Variants in RPS6KC1 observed in about 807,000 individuals in gnomAD.
RPS6KC1 encodes the protein inactive ribosomal protein S6 kinase delta-1.
In RPS6KC1, 54 loss-of-function variants were observed where a neutral mutation model predicts 103.8. The observed-to-expected ratio is 0.52, with a 90% CI of 0.42 to 0.65. RPS6KC1 has a LOEUF of 0.65. RPS6KC1 is among the 30% of genes least tolerant of loss of function. RPS6KC1 has a pLI of 0.00. For synonymous variants in RPS6KC1, 439 were observed against 438.7 expected, an observed-to-expected ratio of 1.00 and a Z score of -0.01; for missense variants, 1,151 against 1,253.8, an observed-to-expected ratio of 0.92 and a Z score of 1.24.
chr1:213,241,901 G>A lies in RPS6KC1; in HGVS notation c.2425G>A (p.Val809Ile), dbSNP rs1177225810. 6.2e-7 allele frequency: 1 copy of A among 1,613,998 alleles called. No individual in the cohort carries two copies. Among genetic ancestry groups the A allele is most frequent in the East Asian group, 2.2e-5 (1 of 44,878 alleles). Residue 809 changes from valine to isoleucine, a missense_variant, in exon 11 of 15, where the codon GTA becomes ATA. By Grantham distance (29) the Val-to-Ile change is conservative (BLOSUM62 3). Transcript: ENST00000366960. The part of the protein sequence containing the change: ...FQGLGVVESA[V>I]TANNTEESLF... ...AGGACTTGGAGTGGTTGAGTCAGCA[G>A]TAACTGCAAACAACACAGAAGAAAG... is the stretch of plus-strand genomic sequence containing the variant.
At chr1:213,437,777 AT>A in the RPS6KC1 span, among the ~76,000 whole-genome samples, 5 of 150,778 alleles carry the variant, frequency 3.3e-5, no homozygotes, top group East Asian at 7.7e-4. Context: ...ATTCGCTGGG[AT>A]TTTTTTAGCT....
chr1:213,259,283 G>A (rs970912226), intron 12 of RPS6KC1, among the ~76,000 whole-genome samples: 1 of 152,206 alleles, frequency 6.6e-6, no homozygotes, highest in African/African-American at 2.4e-5. Context: ...TCACTGGCCG[G>A]GTGCGGTGGC....
intron 6 of RPS6KC1, among the ~76,000 whole-genome samples, chr1:213,163,673 T>C (rs1272677071): frequency 6.6e-6 from 1 of 152,088 alleles, no homozygotes; most frequent in Non-Finnish European, 1.5e-5. Context: ...AAAATGCCTC[T>C]TGATTTTTTT....
At chr1:213,165,627 G>A (rs140561930) in intron 6 of RPS6KC1, among the ~76,000 whole-genome samples, 3,303 of 152,240 alleles carry the variant, frequency 0.022, 115 homozygotes, top group African/African-American at 0.075. Context: ...GTTTCACCAT[G>A]TTAGCCAGGA....
At chr1:213,276,493 C>T (rs1326321696), downstream of RPS6KC1, among the ~76,000 whole-genome samples, 1 of 152,178 alleles carries the variant, frequency 6.6e-6, no homozygotes, top group Non-Finnish European at 1.5e-5. Context: ...AATCAAATAA[C>T]ACTCTCCTGG....
At chr1:213,539,348 G>A in the RPS6KC1 span, among the ~76,000 whole-genome samples, 282 of 152,254 alleles carry the variant, frequency 1.9e-3, 10 homozygotes, top group South Asian at 0.055. Context: ...GAAGCTCCCC[G>A]TCAATTAGGG....
chr1:213,854,556 CTTTCTT>C, the RPS6KC1 span, among the ~76,000 whole-genome samples: 206 of 107,350 alleles, frequency 1.9e-3, 1 homozygote, highest in African/African-American at 8.9e-3. Flanking sequence ...TTCTTTCTTT[CTTTCTT>C]TCTCTCTCTC....
At chr1:213,661,389 C>T in the RPS6KC1 span, among the ~76,000 whole-genome samples, 8 of 152,126 alleles carry the variant, frequency 5.3e-5, no homozygotes, top group African/African-American at 9.7e-5. Flanking sequence ...ACGGGCTGGG[C>T]GAGCCTCCTT....
At chr1:213,397,533 A>T in the RPS6KC1 span, among the ~76,000 whole-genome samples, 3 of 150,214 alleles carry the variant, frequency 2.0e-5, no homozygotes, top group Non-Finnish European at 4.4e-5. Context: ...TCCTGAAAGG[A>T]TGGGGAATCT....
At chr1:213,257,723 G>T (rs1342394805) in intron 12 of RPS6KC1, among the ~76,000 whole-genome samples, 1 of 150,510 alleles carries the variant, frequency 6.6e-6, no homozygotes, top group Non-Finnish European at 1.5e-5. Context: ...AAGCTGGTTG[G>T]TGGCACATTC....
the RPS6KC1 span, among the ~76,000 whole-genome samples, chr1:213,776,854 G>C: frequency 6.6e-6 from 1 of 152,120 alleles, no homozygotes; most frequent in African/African-American, 2.4e-5. Flanking sequence ...GCTAGATCTG[G>C]ATAACTTGCT....
chr1:213,176,409 T>C lies in RPS6KC1; in HGVS notation c.961T>C (p.Ser321Pro). ...TGATATCTTCCATTAGCCTCCAGGA[T>C]CACTAAGTTCAAGGCCCCTTTGGAA... is the stretch of plus-strand genomic sequence containing the variant. ...QLDDVSQPPG[S>P]LSSRPLWNLR... Residue 321 changes from serine to proline, a missense_variant, in exon 8 of 15, where the codon TCA (serine) becomes CCA (proline). Ser to Pro is a moderately conservative substitution (Grantham distance 74). Around this residue, in one of 3 missense-constraint regions of RPS6KC1, gnomAD observed 959 missense variants for 1,006.3 expected, o/e 0.95. Transcript: ENST00000366960. The C allele has an allele frequency of 6.3e-7, 1 of 1,599,532 alleles. No homozygotes were observed. Among genetic ancestry groups the C allele is most frequent in the Non-Finnish European group, 8.6e-7 (1 of 1,169,260 alleles).
the RPS6KC1 span, among the ~76,000 whole-genome samples, chr1:213,545,445 G>C: frequency 6.7e-6 from 1 of 150,032 alleles, no homozygotes; most frequent in Admixed American, 6.6e-5. Context: ...GAGAGAGAGA[G>C]AGAGAGAATC....
the RPS6KC1 span, among the ~76,000 whole-genome samples, chr1:213,303,944 G>A: frequency 2.6e-5 from 4 of 151,794 alleles, no homozygotes; most frequent in Non-Finnish European, 5.9e-5. Flanking sequence ...GGTGGCTCAC[G>A]CCTGTAATCC....
At position 213,271,616 on chromosome 1, in the gene RPS6KC1, T is replaced by A. The variant is rs181256379; in HGVS notation, c.3091-908T>A. On this transcript the variant is annotated intron_variant, in intron 14 of 14. Coordinates refer to ENST00000366960, the MANE Select transcript of RPS6KC1 (RefSeq NM_012424.6). ...CTGTCTCTACTAAAAATACAAAAAT[T>A]AGCCGGGCATGGTGGCGCGCGCCTG... Among the ~76,000 whole-genome samples the A allele has an allele frequency of 6.9e-3, 1,056 of 152,010 alleles. 8 individuals carry two copies. The highest frequency in any genetic ancestry group is 0.024 in the African/African-American group (1,000 of 41,466).
chr1:213,537,247 G>A, the RPS6KC1 span, among the ~76,000 whole-genome samples: 1 of 152,124 alleles, frequency 6.6e-6, no homozygotes, highest in East Asian at 1.9e-4. Flanking sequence ...GGCCACTCCT[G>A]AATTCCCTAG....
chr1:213,121,419 G>T (rs1217604035), intron 5 of RPS6KC1, among the ~76,000 whole-genome samples: 2 of 152,042 alleles, frequency 1.3e-5, no homozygotes, highest in African/African-American at 4.8e-5. Flanking sequence ...ATGAAATCCT[G>T]GTTACTCTTT....
intron 12 of RPS6KC1, among the ~76,000 whole-genome samples, chr1:213,253,129 C>T (rs1573617705): frequency 6.6e-6 from 1 of 152,054 alleles, no homozygotes; most frequent in South Asian, 2.1e-4. Flanking sequence ...TCTGAACATA[C>T]TGTATTTCCT....
At chr1:213,386,750 C>T in the RPS6KC1 span, among the ~76,000 whole-genome samples, 1 of 152,212 alleles carries the variant, frequency 6.6e-6, no homozygotes, top group Non-Finnish European at 1.5e-5. Context: ...ATCTAACCAA[C>T]TGAGGGATCA....
Sources: allele counts gnomAD v4.1 joint callset (sites outside exome capture counted in the v4.1 genomes callset), GRCh38; gene constraint gnomAD v4.1.1; regional missense constraint gnomAD v4.1.1; transcripts MANE v1.5; gene names NCBI Gene and HGNC (gene_info 2026-07-23, HGNC 2026-07-21).